PDE4D: variants seen among roughly 807,000 people sequenced by gnomAD.
The protein encoded by PDE4D is phosphodiesterase 4D.
PDE4D carries 24 observed loss-of-function variants against 87.4 expected under a neutral mutation model. The ratio of observed to expected loss-of-function variants is 0.27; its 90% CI spans 0.20 to 0.39. The LOEUF is 0.39. Among genes scored for constraint, PDE4D ranks in the 10% least tolerant of loss-of-function variants. The probability of loss-of-function intolerance (pLI) is 1.00; values close to 1 mark genes in which losing one functional copy is unlikely to be tolerated. For synonymous variants in PDE4D, 384 were observed against 383.2 expected, an observed-to-expected ratio of 1.00 and a Z score of -0.02; for missense variants, 714 against 1,041.0, an observed-to-expected ratio of 0.69 and a Z score of 4.32.
chr5:60,193,810 C>T (rs1740863015), intron 1 of PDE4D, among the ~76,000 whole-genome samples: 1 of 151,224 alleles, frequency 6.6e-6, no homozygotes, highest in South Asian at 2.1e-4. Context: ...CAGCTTTGTA[C>T]CCTTTCAACT....
intron 1 of PDE4D, among the ~76,000 whole-genome samples, chr5:59,805,920 A>ACT (rs1373894673): frequency 6.6e-6 from 1 of 152,004 alleles, no homozygotes; most frequent in Non-Finnish European, 1.5e-5. Context: ...TGTCAGGGTC[A>ACT]CTCTCCTATT....
intron 1 of PDE4D, among the ~76,000 whole-genome samples, chr5:59,372,210 T>A (rs899957351): frequency 1.2e-4 from 18 of 152,358 alleles, no homozygotes; most frequent in South Asian, 2.1e-4. Flanking sequence ...AGCTTACGTG[T>A]CTCATAGCTT....
At chr5:59,271,628 T>TA (rs1384689903) in intron 1 of PDE4D, among the ~76,000 whole-genome samples, 2 of 152,010 alleles carry the variant, frequency 1.3e-5, no homozygotes, top group Non-Finnish European at 2.9e-5. Context: ...AAAGAGCTAA[T>TA]AAAAAAATTA....
intron 1 of PDE4D, among the ~76,000 whole-genome samples, chr5:60,348,867 T>C (rs540614232): frequency 2.0e-4 from 31 of 152,240 alleles, no homozygotes; most frequent in African/African-American, 7.0e-4. Context: ...AAACAGAATC[T>C]GTAATTTTAT....
intron 1 of PDE4D, among the ~76,000 whole-genome samples, chr5:60,207,318 G>T (rs375500227): frequency 3.3e-5 from 5 of 152,310 alleles, no homozygotes; most frequent in African/African-American, 1.2e-4. Context: ...GGCTTTGAGT[G>T]CCTTGCTTGG....
At chr5:59,694,412 G>A (rs1751446139) in intron 1 of PDE4D, among the ~76,000 whole-genome samples, 2 of 152,122 alleles carry the variant, frequency 1.3e-5, no homozygotes, top group African/African-American at 4.8e-5. Flanking sequence ...GTTCTTAAAG[G>A]AATCTTATTT....
intron 1 of PDE4D, among the ~76,000 whole-genome samples, chr5:60,511,517 T>TTAATAA (rs150885033): frequency 0.09 from 13,356 of 147,678 alleles, 1,775 homozygotes; most frequent in African/African-American, 0.29. Flanking sequence ...CTATAGAAAT[T>TTAATAA]TAATAATAAT....
At chr5:59,384,140 G>C (rs1019792587) in intron 1 of PDE4D, among the ~76,000 whole-genome samples, 7 of 151,932 alleles carry the variant, frequency 4.6e-5, no homozygotes, top group African/African-American at 1.5e-4. Context: ...TCCTGGACTC[G>C]AGCAATCCTC....
chr5:59,917,193 C>T (rs1372431400), intron 3 of PDE4D, among the ~76,000 whole-genome samples: 1 of 151,976 alleles, frequency 6.6e-6, no homozygotes, highest in African/African-American at 2.4e-5. Context: ...ACTTTGACAT[C>T]TACGACTGGC....
At chr5:60,084,945 A>C (rs1195524709) in intron 2 of PDE4D, among the ~76,000 whole-genome samples, 1 of 152,224 alleles carries the variant, frequency 6.6e-6, no homozygotes, top group Non-Finnish European at 1.5e-5. Flanking sequence ...ATGTCTACAC[A>C]AAGACCAATT....
intron 1 of PDE4D, among the ~76,000 whole-genome samples, chr5:59,817,831 C>G (rs978672696): frequency 1.3e-5 from 2 of 151,544 alleles, no homozygotes; most frequent in Non-Finnish European, 2.9e-5. Flanking sequence ...CCATAACCAG[C>G]ACTGAACCAA....
intron 1 of PDE4D, among the ~76,000 whole-genome samples, chr5:60,410,796 C>T (rs1741981952): frequency 6.6e-6 from 1 of 152,200 alleles, no homozygotes; most frequent in Non-Finnish European, 1.5e-5. Context: ...GTATTGCCTC[C>T]ATGTCCTTGA....
At chr5:60,347,758 T>A (rs1307882283) in intron 1 of PDE4D, among the ~76,000 whole-genome samples, 2 of 151,824 alleles carry the variant, frequency 1.3e-5, no homozygotes, top group Non-Finnish European at 2.9e-5. Flanking sequence ...CCTGGAAGAG[T>A]CAGCTACATA....
chr5:59,935,486 A>G (rs1388491513), intron 3 of PDE4D, among the ~76,000 whole-genome samples: 1 of 152,220 alleles, frequency 6.6e-6, no homozygotes, highest in Non-Finnish European at 1.5e-5. Context: ...AATACACAAC[A>G]TACAGAGAAA....
intron 1 of PDE4D, among the ~76,000 whole-genome samples, chr5:59,360,240 A>G (rs1781998075): frequency 6.6e-6 from 1 of 152,208 alleles, no homozygotes; most frequent in Non-Finnish European, 1.5e-5. Context: ...TCTCTAGTTA[A>G]CAGGCATACG....
At chr5:59,016,344 T>G (rs2153370275) in intron 6 of PDE4D, among the ~76,000 whole-genome samples, 1 of 143,116 alleles carries the variant, frequency 7.0e-6, no homozygotes, top group African/African-American at 2.5e-5. Flanking sequence ...CACTGTTTCA[T>G]ATCACAGTTT....
At chr5:60,432,859 G>A (rs549312945) in intron 1 of PDE4D, among the ~76,000 whole-genome samples, 1 of 152,226 alleles carries the variant, frequency 6.6e-6, no homozygotes, top group South Asian at 2.1e-4. Context: ...AATGGTTCTG[G>A]GACAACTGGC....
At chr5:60,130,503 C>T (rs1232629873) in intron 2 of PDE4D, among the ~76,000 whole-genome samples, 1 of 152,126 alleles carries the variant, frequency 6.6e-6, no homozygotes, top group East Asian at 1.9e-4. Context: ...TAAGACAGGG[C>T]TATGTCTATA....
chr5:59,862,541 C>T (rs1416959127), intron 1 of PDE4D, among the ~76,000 whole-genome samples: 3 of 152,090 alleles, frequency 2.0e-5, no homozygotes, highest in Non-Finnish European at 4.4e-5. Flanking sequence ...AGTTTTGCCA[C>T]CTTTGCCAGG....
Sources: allele counts gnomAD v4.1 joint callset (sites outside exome capture counted in the v4.1 genomes callset), GRCh38; gene constraint gnomAD v4.1.1; transcripts MANE v1.5; gene names NCBI Gene and HGNC (gene_info 2026-07-23, HGNC 2026-07-21).